The following ADCY3 variants were observed in gnomAD, a reference collection of about 807,000 sequenced individuals.
ADCY3 encodes adenylate cyclase 3.
Under a neutral mutation model 119.4 loss-of-function variants are expected in ADCY3, and 70 were observed. The ratio of observed to expected loss-of-function variants is 0.59; its 90% CI spans 0.48 to 0.72. The LOEUF (loss-of-function observed/expected upper bound fraction) is 0.72, where lower values mean the gene tolerates loss of function less well. Among genes scored for constraint, ADCY3 ranks in the 30% least tolerant of loss-of-function variants. ADCY3 has a pLI of 0.00. For synonymous variants in ADCY3, 672 were observed against 621.4 expected, an observed-to-expected ratio of 1.08 and a Z score of -1.21; for missense variants, 1,238 against 1,541.6, an observed-to-expected ratio of 0.80 and a Z score of 3.30.
intron 2 of ADCY3, among the ~76,000 whole-genome samples, chr2:24,879,915 A>G (rs1028441184): frequency 1.3e-5 from 2 of 152,232 alleles, no homozygotes; most frequent in African/African-American, 4.8e-5. Context: ...AGGAGGAGTC[A>G]TAAGGTCTGC....
At chr2:24,869,166 A>G (rs1039841690) in intron 3 of ADCY3, among the ~76,000 whole-genome samples, 3 of 152,238 alleles carry the variant, frequency 2.0e-5, no homozygotes, top group Admixed American at 2.0e-4. Context: ...ATCTTCAGTA[A>G]TGAAAAAAAG....
At chr2:24,831,796 G>C in intron 11 of ADCY3, 47 bp from the exon 12 acceptor site, 1 of 1,138,598 alleles carries the variant, frequency 8.8e-7, no homozygotes, top group Non-Finnish European at 1.2e-6. Context: ...GGGACAGTGA[G>C]ATGGGGTGAG....
intron 2 of ADCY3, chr2:24,877,978 C>A: frequency 4.2e-6 from 2 of 471,222 alleles, no homozygotes; most frequent in Non-Finnish European, 8.8e-6. Context: ...CCTCTTCTTG[C>A]CCCGTGGTCC....
At position 24,919,739 on chromosome 2, in the gene ADCY3, G is replaced by A. The variant is rs1386250289; in HGVS notation, c.-254C>T. On this transcript the variant is annotated 5_prime_UTR_variant, in exon 1 of 22. Coordinates refer to ENST00000679454, the MANE Select transcript of ADCY3 (RefSeq NM_004036.5). The surrounding 1 kb of genome is among the most constrained non-coding windows in gnomAD (Gnocchi z 5.5). ...GGACGGTCCCCGCGCGGGCTGGGGC[G>A]GGAGAGCTCGGCGCGCCCGAGGGCT... is the stretch of plus-strand genomic sequence containing the variant. 1 of 151,746 alleles carries A rather than the reference G, an allele frequency of 6.6e-6. No homozygotes were observed. The highest frequency in any genetic ancestry group is 1.9e-4 in the East Asian group (1 of 5,158). The allele number at this position is 151,746 out of a possible 1,614,324, so 9.4% of individuals were successfully genotyped here.
At position 24,838,559 on chromosome 2, in the gene ADCY3, G is replaced by T. The variant is rs771636966; in HGVS notation, c.1419C>A (p.Gly473=). 6.2e-7 allele frequency: 1 copy of T among 1,613,990 alleles called. No homozygotes were observed. The highest frequency in any genetic ancestry group is 1.3e-5 in the African/African-American group (1 of 74,912). Residue 473 remains glycine (G), a synonymous_variant, in exon 8 of 22, where the codon GGC becomes GGA. Coordinates refer to ENST00000679454, the MANE Select transcript of ADCY3 (RefSeq NM_004036.5). The part of the protein sequence containing the change: ...CLKGEFDVEP[G]DGGSRCDYLE... ...GGTAATCACAGCGGCTGCCCCCATC[G>T]CCTGGCTCCACATCAAACTCCCCTT...
At chr2:24,849,807 CA>C (rs1672087213) in intron 3 of ADCY3, among the ~76,000 whole-genome samples, 1 of 152,162 alleles carries the variant, frequency 6.6e-6, no homozygotes, top group Non-Finnish European at 1.5e-5. Flanking sequence ...CTCCCCCTGC[CA>C]CCCCCCAAGC....
intron 2 of ADCY3, among the ~76,000 whole-genome samples, chr2:24,879,899 G>C (rs1374854905): frequency 6.6e-6 from 1 of 152,222 alleles, no homozygotes; most frequent in African/African-American, 2.4e-5. Flanking sequence ...ATCTGGGCAG[G>C]TGGGAAGGAG....
At chr2:24,840,697 C>G (rs1288990149) in intron 6 of ADCY3, 1 of 361,952 alleles carries the variant, frequency 2.8e-6, no homozygotes, top group African/African-American at 2.1e-5. Context: ...AGAGGGACTG[C>G]CCATCCGAGA....
Position 24,844,074 on chromosome 2 carries a change from T to G in ADCY3, c.826-1690A>C, listed in dbSNP as rs1671380289. On this transcript the variant is annotated intron_variant, in intron 3 of 21. Coordinates refer to ENST00000679454, the MANE Select transcript of ADCY3 (RefSeq NM_004036.5). Reference sequence around the variant, plus strand: ...GGCAGGGACACAACTAAAGAAAGTGTGTCCAGCAAGGGGCCAAGATACAAA... The same window carrying G: ...GGCAGGGACACAACTAAAGAAAGTGGGTCCAGCAAGGGGCCAAGATACAAA... 5.3e-5 allele frequency among the ~76,000 whole-genome samples: 8 copies of G among 152,130 alleles called. No individual in the cohort carries two copies. The South Asian group carries it at 1.7e-3, about 32-fold the overall frequency.
intron 2 of ADCY3, among the ~76,000 whole-genome samples, chr2:24,907,878 C>T (rs1163228045): frequency 1.3e-5 from 2 of 151,724 alleles, no homozygotes; most frequent in Non-Finnish European, 2.9e-5. Context: ...CCTGTAATCC[C>T]AGCTACTTGG....
intron 2 of ADCY3, among the ~76,000 whole-genome samples, chr2:24,912,870 C>T (rs1663958186): frequency 6.6e-6 from 1 of 152,144 alleles, no homozygotes; most frequent in Middle Eastern, 3.2e-3. Flanking sequence ...TCAGAAAAGG[C>T]CACAGAAAGC....
At chr2:24,827,200 G>A (rs138192951) in intron 15 of ADCY3, among the ~76,000 whole-genome samples, 1 of 152,284 alleles carries the variant, frequency 6.6e-6, no homozygotes, top group African/African-American at 2.4e-5. Context: ...AGATGAAATT[G>A]CAACTCATGG....
intron 16 of ADCY3, 140 bp downstream of exon 16, chr2:24,825,905 G>T: frequency 1.3e-6 from 1 of 752,636 alleles, no homozygotes; most frequent in Non-Finnish European, 2.3e-6. Flanking sequence ...GAAGGCGGTG[G>T]CCTGACCAGG....
At position 24,834,933 on chromosome 2, in the gene ADCY3, C is replaced by A; in HGVS notation, c.1666G>T (p.Asp556Tyr). The change falls in exon 10 of 22, where the codon GAC becomes TAC. Residue 556 changes from aspartate to tyrosine, a missense_variant. Physicochemically the swap from Asp to Tyr is radical, Grantham distance 160 (BLOSUM62 -3). Around this residue, in one of 7 missense-constraint regions of ADCY3, gnomAD observed 499 missense variants for 571.0 expected, o/e 0.87. Coordinates refer to ENST00000679454, the MANE Select transcript of ADCY3 (RefSeq NM_004036.5). The surrounding 1 kb of genome is among the most constrained non-coding windows in gnomAD (Gnocchi z 4.2). ...CGTGGGTTGGGGAATGAGGGGTTGT[C>A]GGCCTGTGAGCCAGGGAGGCAGCGT... ...EKPEEQDAQADNPSFPNPRRR... is the reference protein window; with the variant it reads ...EKPEEQDAQAYNPSFPNPRRR... The A allele has an allele frequency of 2.5e-6, 4 of 1,613,018 alleles. No individual in the cohort carries two copies. The highest frequency in any genetic ancestry group is 2.5e-6 in the Non-Finnish European group (3 of 1,179,764).
intron 3 of ADCY3, among the ~76,000 whole-genome samples, chr2:24,852,833 T>A (rs982235527): frequency 6.6e-6 from 1 of 152,146 alleles, no homozygotes; most frequent in African/African-American, 2.4e-5. Flanking sequence ...GCCGAGCCCA[T>A]CCCCAGGACT....
chr2:24,886,310 C>T (rs774395745), intron 2 of ADCY3, among the ~76,000 whole-genome samples: 4 of 152,202 alleles, frequency 2.6e-5, no homozygotes, highest in Non-Finnish European at 4.4e-5. Flanking sequence ...CCCTGCACCC[C>T]CAATGTGGGA....
chr2:24,879,194 C>T (rs530459627), intron 2 of ADCY3, among the ~76,000 whole-genome samples: 10 of 152,204 alleles, frequency 6.6e-5, no homozygotes, highest in African/African-American at 2.2e-4. Context: ...AAGACTGGGC[C>T]GGGCGCGGTG....
At chr2:24,874,738 T>C (rs1675450444) in intron 2 of ADCY3, among the ~76,000 whole-genome samples, 1 of 152,196 alleles carries the variant, frequency 6.6e-6, no homozygotes, top group African/African-American at 2.4e-5. Context: ...AGAGTAGTGG[T>C]TGGACCTGGA....
At chr2:24,862,667 G>A (rs1673819593) in intron 3 of ADCY3, among the ~76,000 whole-genome samples, 1 of 152,070 alleles carries the variant, frequency 6.6e-6, no homozygotes, top group South Asian at 2.1e-4. Flanking sequence ...GCACAACATG[G>A]TGAGTGTACT....
Sources: gnomAD v4.1 joint callset for allele counts (sites outside exome capture counted in the v4.1 genomes callset) on GRCh38, gnomAD v4.1.1 for gene constraint, gnomAD v4.1.1 regional missense constraint, Gnocchi (gnomAD v3.1) non-coding constraint, MANE v1.5 for transcripts, NCBI Gene and HGNC (gene_info 2026-07-23, HGNC 2026-07-21) for gene names.